Variants in ZDHHC11 observed in about 807,000 individuals in gnomAD.
ZDHHC11 encodes zDHHC palmitoyltransferase 11.
In ZDHHC11, 44 loss-of-function variants were observed where a neutral mutation model predicts 51.3. The ratio of observed to expected loss-of-function variants is 0.86; its 90% CI spans 0.67 to 1.10. The LOEUF (loss-of-function observed/expected upper bound fraction) is 1.10. Among genes scored for constraint, ZDHHC11 ranks in the 50% least tolerant of loss-of-function variants. The probability of loss-of-function intolerance (pLI) is 0.00; values close to 1 mark genes in which losing one functional copy is unlikely to be tolerated. For synonymous variants in ZDHHC11, 163 were observed against 222.0 expected (o/e 0.73, Z 2.36); for missense variants, 400 against 537.7 (o/e 0.74, Z 2.53).
At chr5:852,997 A>G (rs1396405290), upstream of ZDHHC11, among the ~76,000 whole-genome samples, 39 of 106,808 alleles carry the variant, frequency 3.7e-4, no homozygotes, top group African/African-American at 5.1e-4. Flanking sequence ...ACAGCGAGCC[A>G]GGGGGACAGA....
chr5:845,846 C>T (rs1746070262), intron 3 of ZDHHC11, among the ~76,000 whole-genome samples: 3 of 149,674 alleles, frequency 2.0e-5, no homozygotes, highest in Non-Finnish European at 4.4e-5. Context: ...CCTGATGCCC[C>T]TTTCCCACAC....
At chr5:858,527 CCT>C (rs1419947454) in intron 1 of ZDHHC11, among the ~76,000 whole-genome samples, 7 of 152,190 alleles carry the variant, frequency 4.6e-5, no homozygotes, top group Non-Finnish European at 1.0e-4. Flanking sequence ...CACTGTGGTC[CCT>C]GAGTCTGTCC....
At chr5:858,950 C>T (rs1026879695) in exon 1 of ZDHHC11, among the ~76,000 whole-genome samples, 2 of 152,126 alleles carry the variant, frequency 1.3e-5, no homozygotes, top group Non-Finnish European at 2.9e-5. Context: ...AGCAGCGTCG[C>T]TCTCGCTAAC....
rs147337120 is a variant in ZDHHC11 at position 837,043 on chromosome 5, C to T, written c.900+322G>A. ...CTTCACTCCACCCTGGGCAACAGAG[C>T]GAGACTCTGTCTCAAAAAAAAAGAT... On this transcript the variant is annotated intron_variant, in intron 6 of 12. Coordinates refer to ENST00000283441, the MANE Select transcript of ZDHHC11 (RefSeq NM_024786.3). 2.3e-3 allele frequency among the ~76,000 whole-genome samples: 350 copies of T among 151,352 alleles called. 5 individuals carry two copies. The highest frequency in any genetic ancestry group is 8.1e-3 in the African/African-American group (336 of 41,308).
At chr5:844,390 C>T (rs1365467784) in intron 3 of ZDHHC11, among the ~76,000 whole-genome samples, 3 of 152,290 alleles carry the variant, frequency 2.0e-5, no homozygotes, top group Non-Finnish European at 2.9e-5. Flanking sequence ...GTCAGAGATG[C>T]GGTGCGACTC....
chr5:805,523 A>G (rs1739118115), intron 11 of ZDHHC11, among the ~76,000 whole-genome samples: 1 of 151,352 alleles, frequency 6.6e-6, no homozygotes, highest in East Asian at 1.9e-4. Flanking sequence ...AGATAATTAG[A>G]AAATGTACAA....
intron 11 of ZDHHC11, among the ~76,000 whole-genome samples, chr5:806,799 TGAA>T (rs1178809867): frequency 1.3e-5 from 2 of 150,934 alleles, no homozygotes; most frequent in African/African-American, 4.9e-5. Context: ...AGGGAAATAC[TGAA>T]GAAGGCCACA....
rs377393187 is a variant in ZDHHC11, at chr5:804,793, T to C, written c.1182-3629A>G. ...CCAGAATAAAGCAATAACTAAGGCATTCTCACATAGACAAAAATTGAGGGA... is the reference window on the plus strand; with the variant it reads ...CCAGAATAAAGCAATAACTAAGGCACTCTCACATAGACAAAAATTGAGGGA... On this transcript the variant is annotated intron_variant, in intron 11 of 12. Coordinates refer to ENST00000283441, the MANE Select transcript of ZDHHC11 (RefSeq NM_024786.3). 8.7e-4 allele frequency among the ~76,000 whole-genome samples: 132 copies of C among 151,206 alleles called. 6 individuals are homozygous for C. The highest frequency in any genetic ancestry group is 3.0e-3 in the African/African-American group (124 of 41,142).
chr5:802,608 A>G (rs1321398544), intron 11 of ZDHHC11, among the ~76,000 whole-genome samples: 1 of 150,370 alleles, frequency 6.7e-6, no homozygotes, highest in Non-Finnish European at 1.5e-5. Context: ...ATTGAGCTAT[A>G]AAGAGCAATT....
upstream of ZDHHC11, among the ~76,000 whole-genome samples, chr5:855,945 A>C (rs770091866): frequency 2.0e-5 from 3 of 151,588 alleles, no homozygotes; most frequent in Non-Finnish European, 4.4e-5. Flanking sequence ...GACAGACCCC[A>C]CAGAGGACAG....
chr5:846,250 G>A (rs1746138070), intron 3 of ZDHHC11, among the ~76,000 whole-genome samples: 2 of 151,294 alleles, frequency 1.3e-5, no homozygotes, highest in African/African-American at 4.9e-5. Context: ...GGGAGGCAGG[G>A]CAGGGACCGC....
At chr5:821,554 T>A (rs909820767) in intron 9 of ZDHHC11, among the ~76,000 whole-genome samples, 10 of 151,066 alleles carry the variant, frequency 6.6e-5, no homozygotes, top group Non-Finnish European at 1.2e-4. Context: ...AGGGCTGATG[T>A]GCAGCTCCCA....
chr5:797,733 A>G (rs1737798497), intron 12 of ZDHHC11, among the ~76,000 whole-genome samples: 1 of 151,602 alleles, frequency 6.6e-6, no homozygotes, highest in Non-Finnish European at 1.5e-5. Flanking sequence ...CATCTGAAAT[A>G]TTTATGTGTC....
intron 8 of ZDHHC11, chr5:823,795 G>A (rs1023237281): frequency 9.8e-6 from 3 of 306,144 alleles, no homozygotes; most frequent in African/African-American, 6.5e-5. Flanking sequence ...ACACTGAGGG[G>A]ACTCACAAAT....
chr5:804,004 A>G (rs1738875144), intron 11 of ZDHHC11, among the ~76,000 whole-genome samples: 1 of 150,598 alleles, frequency 6.6e-6, no homozygotes, highest in Non-Finnish European at 1.5e-5. Flanking sequence ...AAGGTTTGTT[A>G]GACACCATCA....
chr5:827,945 A>G (rs1269527081), intron 7 of ZDHHC11, among the ~76,000 whole-genome samples: 1 of 151,026 alleles, frequency 6.6e-6, no homozygotes, highest in Non-Finnish European at 1.5e-5. Flanking sequence ...ATGACTCTTA[A>G]TGAGCATGCT....
upstream of ZDHHC11, among the ~76,000 whole-genome samples, chr5:855,594 A>T (rs529382805): frequency 5.8e-4 from 84 of 145,526 alleles, no homozygotes; most frequent in South Asian, 0.019. Context: ...CGCACAGAGG[A>T]CAGTGAGCAG....
upstream of ZDHHC11, among the ~76,000 whole-genome samples, chr5:855,824 G>A (rs1748155045): frequency 7.1e-6 from 1 of 139,942 alleles, no homozygotes; most frequent in Admixed American, 7.2e-5. Context: ...AGAGGACAGT[G>A]AGCCGGGGGG....
intron 9 of ZDHHC11, 28 bp from the exon 10 acceptor site, chr5:819,640 C>A: frequency 6.2e-7 from 1 of 1,603,476 alleles, no homozygotes; most frequent in Non-Finnish European, 8.5e-7. Context: ...AGGAAAGAAA[C>A]ACACCACAGT....
Sources: gnomAD v4.1 joint callset for allele counts (sites outside exome capture counted in the v4.1 genomes callset) on GRCh38, gnomAD v4.1.1 for gene constraint, MANE v1.5 for transcripts, NCBI Gene and HGNC (gene_info 2026-07-23, HGNC 2026-07-21) for gene names.